Variants in CNTNAP2 observed in about 807,000 individuals in gnomAD.
CNTNAP2 encodes contactin associated protein 2.
In CNTNAP2, 98 loss-of-function variants were observed where a neutral mutation model predicts 155.2. The ratio of observed to expected loss-of-function variants is 0.63; its 90% CI spans 0.54 to 0.75. The LOEUF is 0.75. Ranked by LOEUF, CNTNAP2 falls within the 30% of genes least tolerant of loss-of-function variation. The pLI is 0.00. For synonymous variants in CNTNAP2, 651 were observed against 631.2 expected (o/e 1.03, Z -0.47); for missense variants, 1,727 against 1,688.1 (o/e 1.02, Z -0.40).
At chr7:147,354,036 C>T (rs1418952998) in intron 9 of CNTNAP2, among the ~76,000 whole-genome samples, 3 of 151,654 alleles carry the variant, frequency 2.0e-5, no homozygotes, top group Admixed American at 1.3e-4. Flanking sequence ...TGGATATTAG[C>T]TCTTTATCAT....
At chr7:146,214,799 A>G (rs1253549917) in intron 1 of CNTNAP2, among the ~76,000 whole-genome samples, 3 of 152,218 alleles carry the variant, frequency 2.0e-5, no homozygotes, top group Non-Finnish European at 4.4e-5. Context: ...AAATAACATT[A>G]GTAGAAATAA....
chr7:147,010,105 G>A (rs576735132), intron 3 of CNTNAP2, among the ~76,000 whole-genome samples: 1 of 150,776 alleles, frequency 6.6e-6, no homozygotes, highest in East Asian at 2.0e-4. Context: ...CACTTCCCGG[G>A]TTGAAGTGAT....
In CNTNAP2 at chr7:146,638,476, C is replaced by CTTTTTTTTTTTTTTTTTTT. The variant is rs879600389; in HGVS notation, c.98-135791_98-135773dup. The stretch of plus-strand genomic sequence containing the variant: ...AACAGTTTAATACAGTCAGGTGTTT[C>CTTTTTTTTTTTTTTTTTTT]TTTTTTTTTTTTTTTTTTTTTTCTT... On this transcript the variant is annotated intron_variant, in intron 1 of 23. Coordinates refer to ENST00000361727, the MANE Select transcript of CNTNAP2 (RefSeq NM_014141.6). 8.5e-4 allele frequency among the ~76,000 whole-genome samples: 55 copies of CTTTTTTTTTTTTTTTTTTT among 64,344 alleles called. 4 individuals are homozygous for CTTTTTTTTTTTTTTTTTTT. The highest frequency in any genetic ancestry group is 3.7e-3 in the East Asian group (7 of 1,882). 42.2% of individuals were successfully genotyped at this position (64,344 alleles called of 152,430 possible).
chr7:147,743,119 T>C (rs1217352236), intron 13 of CNTNAP2, among the ~76,000 whole-genome samples: 1 of 152,158 alleles, frequency 6.6e-6, no homozygotes, highest in Non-Finnish European at 1.5e-5. Flanking sequence ...TACACTAAGG[T>C]CAAAGCCAAT....
intron 13 of CNTNAP2, among the ~76,000 whole-genome samples, chr7:147,894,683 G>A (rs1261874086): frequency 6.6e-6 from 1 of 151,930 alleles, no homozygotes; most frequent in Non-Finnish European, 1.5e-5. Context: ...ATATCCTATA[G>A]AAACAGTGGG....
chr7:147,001,514 C>G (rs1439672635), intron 3 of CNTNAP2, among the ~76,000 whole-genome samples: 2 of 151,898 alleles, frequency 1.3e-5, no homozygotes, highest in African/African-American at 4.8e-5. Flanking sequence ...ATAATTGTGG[C>G]TTACCTATAA....
chr7:147,575,959 A>G (rs1800389604), intron 12 of CNTNAP2, among the ~76,000 whole-genome samples: 2 of 152,058 alleles, frequency 1.3e-5, no homozygotes, highest in South Asian at 4.1e-4. Context: ...CAATTTACAA[A>G]AGGCTGTTTA....
At chr7:146,942,415 T>A (rs1486555696) in intron 3 of CNTNAP2, among the ~76,000 whole-genome samples, 1 of 151,982 alleles carries the variant, frequency 6.6e-6, no homozygotes, top group Non-Finnish European at 1.5e-5. Flanking sequence ...ATATAATACA[T>A]GGGAGAATGA....
intron 1 of CNTNAP2, among the ~76,000 whole-genome samples, chr7:146,234,139 CTT>C (rs1201745025): frequency 6.8e-6 from 1 of 148,064 alleles, no homozygotes; most frequent in Non-Finnish European, 1.5e-5. Flanking sequence ...TGTTTCCTGA[CTT>C]TTTAATGATT....
chr7:148,211,694 TA>T (rs1795554188), intron 18 of CNTNAP2, among the ~76,000 whole-genome samples: 1 of 152,194 alleles, frequency 6.6e-6, no homozygotes, highest in Non-Finnish European at 1.5e-5. Context: ...CTGGGGTTCT[TA>T]CCTTAAGAAT....
At chr7:146,497,150 T>G (rs1372356836) in intron 1 of CNTNAP2, among the ~76,000 whole-genome samples, 1 of 152,212 alleles carries the variant, frequency 6.6e-6, no homozygotes, top group Non-Finnish European at 1.5e-5. Flanking sequence ...TTACCACTTC[T>G]ACTTATTGAA....
At chr7:148,360,079 T>C (rs998875499) in intron 21 of CNTNAP2, among the ~76,000 whole-genome samples, 8 of 152,260 alleles carry the variant, frequency 5.3e-5, no homozygotes, top group African/African-American at 1.9e-4. Context: ...TTGGCTGGAC[T>C]GAAAGGGAAG....
At chr7:146,123,068 A>C (rs765685657) in intron 1 of CNTNAP2, among the ~76,000 whole-genome samples, 2 of 152,200 alleles carry the variant, frequency 1.3e-5, no homozygotes, top group African/African-American at 2.4e-5. Flanking sequence ...ATGACACTGC[A>C]GATTTTAAAG....
intron 3 of CNTNAP2, among the ~76,000 whole-genome samples, chr7:147,025,655 C>T (rs1055924015): frequency 2.0e-5 from 3 of 151,840 alleles, no homozygotes; most frequent in Non-Finnish European, 4.4e-5. Flanking sequence ...GTATCATCAA[C>T]TATTTTTGCA....
chr7:147,145,574 A>C (rs942708629), intron 8 of CNTNAP2, among the ~76,000 whole-genome samples: 1 of 151,502 alleles, frequency 6.6e-6, no homozygotes, highest in Non-Finnish European at 1.5e-5. Context: ...CACCCACCCC[A>C]CTCCACGGAC....
At chr7:147,472,506 C>T (rs558793689) in intron 10 of CNTNAP2, among the ~76,000 whole-genome samples, 1 of 152,304 alleles carries the variant, frequency 6.6e-6, no homozygotes, top group South Asian at 2.1e-4. Context: ...AGCCACCACA[C>T]TCAGCCCAAC....
rs373571653 is a variant in CNTNAP2 at position 146,766,646 on chromosome 7, A to T, written c.98-7625A>T. ...CATCTATAAAATGGTAATACTACCC[A>T]TCTCAATGGGTTACTGTGATAACTC... On this transcript the variant is annotated intron_variant, in intron 1 of 23. Coordinates refer to ENST00000361727, the MANE Select transcript of CNTNAP2 (RefSeq NM_014141.6). 1.1e-3 allele frequency among the ~76,000 whole-genome samples: 165 copies of T among 152,326 alleles called. 5 individuals carry two copies. In the South Asian group the frequency reaches 0.034, roughly 31 times the overall value.
intron 22 of CNTNAP2, among the ~76,000 whole-genome samples, chr7:148,408,413 G>A (rs940411382): frequency 2.0e-5 from 3 of 152,148 alleles, no homozygotes; most frequent in Non-Finnish European, 2.9e-5. Context: ...TCATTATCCC[G>A]GATAATCTTG....
intron 1 of CNTNAP2, among the ~76,000 whole-genome samples, chr7:146,350,808 A>T (rs1436829847): frequency 1.3e-5 from 2 of 152,120 alleles, no homozygotes; most frequent in Non-Finnish European, 2.9e-5. Flanking sequence ...GACTGGATTA[A>T]GAAAATGTGA....
Sources: gnomAD v4.1 joint callset for allele counts (sites outside exome capture counted in the v4.1 genomes callset) on GRCh38, gnomAD v4.1.1 for gene constraint, MANE v1.5 for transcripts, NCBI Gene and HGNC (gene_info 2026-07-23, HGNC 2026-07-21) for gene names.